Variants in SLC22A23 observed in about 807,000 individuals in gnomAD.
The protein encoded by SLC22A23 is ion transporter protein.
Under a neutral mutation model 61.0 loss-of-function variants are expected in SLC22A23, and 26 were observed. That is an observed-to-expected ratio of 0.43 (90% CI 0.31 to 0.59). The LOEUF (loss-of-function observed/expected upper bound fraction) is 0.59. Among genes scored for constraint, SLC22A23 ranks in the 20% least tolerant of loss-of-function variants. The probability of loss-of-function intolerance (pLI) is 0.11; values close to 1 mark genes in which losing one functional copy is unlikely to be tolerated. For synonymous variants in SLC22A23, 430 were observed against 413.9 expected, an observed-to-expected ratio of 1.04 and a Z score of -0.47; for missense variants, 796 against 934.7, an observed-to-expected ratio of 0.85 and a Z score of 1.94.
chr6:3,376,511 A>G (rs879293117), intron 3 of SLC22A23, among the ~76,000 whole-genome samples: 1 of 151,946 alleles, frequency 6.6e-6, no homozygotes, highest in Non-Finnish European at 1.5e-5. Context: ...CTGCCCAACT[A>G]AATACCTCCC....
rs1210365228 is a variant in SLC22A23 at position 3,270,790 on chromosome 6, C to T, written c.*2265G>A. 1 of 152,206 alleles carries T rather than the reference C, an allele frequency of 6.6e-6. No individual in the cohort carries two copies. Among genetic ancestry groups the T allele is most frequent in the Non-Finnish European group, 1.5e-5 (1 of 68,024 alleles). The allele number at this position is 152,206 out of a possible 1,614,324, so 9.4% of individuals were successfully genotyped here. A position where few individuals can be genotyped will look rare whatever the true frequency, so the allele number is the denominator to read the frequency against. ...AGAGTGTGAGTGCTGTCCCTTGCCA[C>T]CAACTTCCTAGAGATTTCGGGCAGC... On this transcript the variant is annotated 3_prime_UTR_variant, in exon 10 of 10. Transcript: ENST00000406686.
At chr6:3,343,782 C>T (rs1764277835) in intron 3 of SLC22A23, among the ~76,000 whole-genome samples, 1 of 152,216 alleles carries the variant, frequency 6.6e-6, no homozygotes, top group Admixed American at 6.5e-5. Context: ...CACTGTCAAA[C>T]ATTGGTGCCG....
At chr6:3,289,734 C>G (rs139264807) in intron 6 of SLC22A23, 30 bp downstream of exon 6, 1 of 1,597,448 alleles carries the variant, frequency 6.3e-7, no homozygotes, top group Non-Finnish European at 8.6e-7. Flanking sequence ...CCCCCTCCCA[C>G]CCAGCTGGCA....
rs1259262758 is a variant in SLC22A23, at chr6:3,430,081, AAAGAAAGTGTTATCT to A, written c.655-14241_655-14227del. 5.9e-5 allele frequency among the ~76,000 whole-genome samples: 9 copies of A among 152,374 alleles called. No individual in the cohort carries two copies. The South Asian group carries it at 1.2e-3, about 21-fold the overall frequency. On this transcript the variant is annotated intron_variant, in intron 1 of 9. Transcript: ENST00000406686. ...CACACGCACACACAAAAAAAAGTTTAAAGAAAGTGTTATCTTCAGGAAATGGGCTAGCCAGTATCC... is the reference window on the plus strand; with the variant it reads ...CACACGCACACACAAAAAAAAGTTTATCAGGAAATGGGCTAGCCAGTATCC...
intron 1 of SLC22A23, among the ~76,000 whole-genome samples, chr6:3,436,882 A>T (rs1261764921): frequency 3.3e-5 from 5 of 152,256 alleles, no homozygotes; most frequent in Non-Finnish European, 2.9e-5. Flanking sequence ...ATATAGATTC[A>T]AACAGATCGC....
chr6:3,323,023 C>T (rs1028869658), intron 4 of SLC22A23, among the ~76,000 whole-genome samples: 1 of 151,486 alleles, frequency 6.6e-6, no homozygotes, highest in Admixed American at 6.6e-5. Context: ...GCAGTGTTTT[C>T]CAGTCTTGAC....
chr6:3,379,958 C>CGTGT lies in SLC22A23; in HGVS notation c.913+30226_913+30229dup, dbSNP rs71661359. 3.1e-4 allele frequency among the ~76,000 whole-genome samples: 47 copies of CGTGT among 150,172 alleles called. 1 individual carries two copies. Among genetic ancestry groups the CGTGT allele is most frequent in the East Asian group, 1.2e-3 (6 of 5,104 alleles). The stretch of plus-strand genomic sequence containing the variant: ...CTTTGGAGAGAAAGGAGTGTGGATG[C>CGTGT]GTGTGTGTGTGTGTGTGTGCACGTG... On this transcript the variant is annotated intron_variant, in intron 3 of 9. Coordinates refer to ENST00000406686, the MANE Select transcript of SLC22A23 (RefSeq NM_015482.2).
chr6:3,321,484 G>C (rs1762949298), intron 4 of SLC22A23, among the ~76,000 whole-genome samples: 1 of 152,138 alleles, frequency 6.6e-6, no homozygotes, highest in South Asian at 2.1e-4. Context: ...TTTTAAAACT[G>C]TATATTTCAA....
intron 3 of SLC22A23, among the ~76,000 whole-genome samples, chr6:3,384,092 A>T (rs1203124670): frequency 6.6e-6 from 1 of 152,224 alleles, no homozygotes; most frequent in Non-Finnish European, 1.5e-5. Context: ...AAATTGCATG[A>T]GGTGCTTCAT....
chr6:3,348,039 G>T lies in SLC22A23; in HGVS notation c.914-24037C>A, dbSNP rs181078193. ...GCCTCACTGGCTCTCTTATCTCACT[G>T]CAGGCTTCTCCTTCATGGCACCTGT... On this transcript the variant is annotated intron_variant, in intron 3 of 9. Transcript: ENST00000406686. Among the ~76,000 whole-genome samples the T allele has an allele frequency of 1.1e-4, 17 of 152,304 alleles. No homozygotes were observed. In the East Asian group the frequency reaches 2.7e-3, roughly 24 times the overall value.
At position 3,339,516 on chromosome 6, in the gene SLC22A23, T is replaced by C. The variant is rs562577919; in HGVS notation, c.914-15514A>G. On this transcript the variant is annotated intron_variant, in intron 3 of 9. Transcript: ENST00000406686. ...CCTACTGGGCTGCATTCCCAGATGG[T>C]TAAGGCATTCTAAGTCACAGGATGA... 3.3e-5 allele frequency among the ~76,000 whole-genome samples: 5 copies of C among 152,258 alleles called. No individual in the cohort carries two copies. In the South Asian group the frequency reaches 1.0e-3, roughly 32 times the overall value.
In SLC22A23 at chr6:3,324,865, G is replaced by A. The variant is rs928026646; in HGVS notation, c.914-863C>T. Among the ~76,000 whole-genome samples, 9 of 152,322 alleles carry A rather than the reference G, an allele frequency of 5.9e-5. No individual in the cohort carries two copies. The highest frequency in any genetic ancestry group is 1.9e-4 in the East Asian group (1 of 5,190). ...ATCTATTCTTTTACTTTGACCTTGAGTCAAAAAGATGATCAGAAAACTTTA... is the reference window on the plus strand; with the variant it reads ...ATCTATTCTTTTACTTTGACCTTGAATCAAAAAGATGATCAGAAAACTTTA... On this transcript the variant is annotated intron_variant, in intron 3 of 9. Transcript: ENST00000406686. The surrounding 1 kb of genome is among the most constrained non-coding windows in gnomAD (Gnocchi z 4.3).
In SLC22A23 at chr6:3,304,508, T is replaced by A. The variant is rs1338851304; in HGVS notation, c.1083-6290A>T. Among the ~76,000 whole-genome samples the A allele has an allele frequency of 6.6e-6, 1 of 150,708 alleles. No homozygotes were observed. The highest frequency in any genetic ancestry group is 1.5e-5 in the Non-Finnish European group (1 of 67,036). On this transcript the variant is annotated intron_variant, in intron 4 of 9. Transcript: ENST00000406686. The surrounding 1 kb of genome is among the most constrained non-coding windows in gnomAD (Gnocchi z 4.3). ...CCTCTTTGGGAGCCCAAGCTTTCGA[T>A]GGGTCTCCAAATTGTTTTTTTCTAA...
chr6:3,272,346 C>T lies in SLC22A23; in HGVS notation c.*709G>A, dbSNP rs1217289047. ...AAGCTGTGGCGATATGACTGCTGCTCAATTAAGATTTCTGGTGAAATGTTT... is the reference window on the plus strand; with the variant it reads ...AAGCTGTGGCGATATGACTGCTGCTTAATTAAGATTTCTGGTGAAATGTTT... On this transcript the variant is annotated 3_prime_UTR_variant, in exon 10 of 10. Coordinates refer to ENST00000406686, the MANE Select transcript of SLC22A23 (RefSeq NM_015482.2). The T allele has an allele frequency of 6.5e-6, 1 of 152,706 alleles. No homozygotes were observed. Among genetic ancestry groups the T allele is most frequent in the African/African-American group, 2.4e-5 (1 of 41,394 alleles). 9.5% of individuals were successfully genotyped at this position (152,706 alleles called of 1,614,324 possible).
At chr6:3,412,360 A>G (rs1769325750) in intron 2 of SLC22A23, among the ~76,000 whole-genome samples, 1 of 152,224 alleles carries the variant, frequency 6.6e-6, no homozygotes, top group Non-Finnish European at 1.5e-5. Flanking sequence ...ACCTTGAGTA[A>G]GACCAGGCTT....
intron 1 of SLC22A23, among the ~76,000 whole-genome samples, 159 bp from the exon 2 acceptor site, chr6:3,416,014 T>C (rs1769674269): frequency 6.6e-6 from 1 of 152,186 alleles, no homozygotes; most frequent in Admixed American, 6.5e-5. Context: ...GTTTTGAAAA[T>C]CCAATGAGAC....
Position 3,456,121 on chromosome 6 carries a change from C to T in SLC22A23, c.439G>A (p.Gly147Arg), listed in dbSNP as rs1367095829. Residue 147 changes from glycine (G) to arginine (R), a missense_variant, in exon 1 of 10, where the codon GGG becomes AGG. Transcript: ENST00000406686. The surrounding 1 kb of genome is among the most constrained non-coding windows in gnomAD (Gnocchi z 7.1). ...LAGVTTTGRGGDMGNWTSLPT... is the reference protein window; with the variant it reads ...LAGVTTTGRGRDMGNWTSLPT... ...AGGCTGGTCCAGTTGCCCATGTCCCCGCCCCGGCCTGTGGTGGTGACCCCT... is the reference window on the plus strand; with the variant it reads ...AGGCTGGTCCAGTTGCCCATGTCCCTGCCCCGGCCTGTGGTGGTGACCCCT... The T allele has an allele frequency of 6.4e-7, 1 of 1,550,936 alleles. No homozygotes were observed. Among genetic ancestry groups the T allele is most frequent in the East Asian group, 2.4e-5 (1 of 40,974 alleles).
At chr6:3,357,179 A>G (rs1282632798) in intron 3 of SLC22A23, among the ~76,000 whole-genome samples, 3 of 152,008 alleles carry the variant, frequency 2.0e-5, no homozygotes, top group African/African-American at 7.2e-5. Flanking sequence ...CAGGATTCCA[A>G]TGCCATGGAA....
chr6:3,429,902 G>A (rs1202453619), intron 1 of SLC22A23, among the ~76,000 whole-genome samples: 3 of 152,214 alleles, frequency 2.0e-5, no homozygotes, highest in African/African-American at 4.8e-5. Context: ...TGGGGTGAGT[G>A]GGGATGAGTT....
Sources: gnomAD v4.1 joint callset for allele counts (sites outside exome capture counted in the v4.1 genomes callset) on GRCh38, gnomAD v4.1.1 for gene constraint, Gnocchi (gnomAD v3.1) non-coding constraint, MANE v1.5 for transcripts, NCBI Gene and HGNC (gene_info 2026-07-23, HGNC 2026-07-21) for gene names.